The following NCALD variants were observed in gnomAD, a reference collection of about 807,000 sequenced individuals.
The protein encoded by NCALD is neurocalcin-delta.
In NCALD, 10 loss-of-function variants were observed where a neutral mutation model predicts 18.6. The ratio of observed to expected loss-of-function variants is 0.54; its 90% CI spans 0.33 to 0.91. NCALD has a LOEUF of 0.91. NCALD is among the 40% of genes least tolerant of loss of function. The pLI is 0.03. For missense variants in NCALD, 184 were observed against 247.6 expected, an observed-to-expected ratio of 0.74 and a Z score of 1.72; for synonymous variants, 88 against 87.4, an observed-to-expected ratio of 1.01 and a Z score of -0.04.
At chr8:102,039,256 T>A (rs1483483728) in intron 1 of NCALD, among the ~76,000 whole-genome samples, 1 of 152,144 alleles carries the variant, frequency 6.6e-6, no homozygotes, top group Non-Finnish European at 1.5e-5. Context: ...TAAATGCATA[T>A]TGTTTAAGCC....
chr8:102,095,266 G>A (rs1212393644), intron 1 of NCALD, among the ~76,000 whole-genome samples: 2 of 152,186 alleles, frequency 1.3e-5, no homozygotes, highest in African/African-American at 4.8e-5. Flanking sequence ...CAGATGGAGT[G>A]AGGGAGGCAG....
At chr8:102,030,341 G>A (rs192874534) in intron 1 of NCALD, among the ~76,000 whole-genome samples, 188 of 152,204 alleles carry the variant, frequency 1.2e-3, no homozygotes, top group Non-Finnish European at 6.9e-4. Flanking sequence ...TAACATCCAG[G>A]AAAAAACAAA....
chr8:101,974,508 C>T (rs1234915440), intron 2 of NCALD, among the ~76,000 whole-genome samples: 1 of 152,134 alleles, frequency 6.6e-6, no homozygotes, highest in Non-Finnish European at 1.5e-5. Context: ...ACAGAAAGGA[C>T]AGGCACTTGC....
intron 4 of NCALD, among the ~76,000 whole-genome samples, chr8:101,824,095 A>G (rs1813832673): frequency 6.6e-6 from 1 of 152,268 alleles, no homozygotes; most frequent in African/African-American, 2.4e-5. Context: ...ATCTCAAAGA[A>G]TAAGGGAAGA....
intron 1 of NCALD, among the ~76,000 whole-genome samples, chr8:101,772,918 T>G (rs1811643428): frequency 6.6e-6 from 1 of 152,212 alleles, no homozygotes; most frequent in South Asian, 2.1e-4. Flanking sequence ...GGTGATCCAG[T>G]GACCCCAGAA....
At chr8:101,803,931 G>A (rs1011799295) in intron 4 of NCALD, among the ~76,000 whole-genome samples, 3 of 152,188 alleles carry the variant, frequency 2.0e-5, no homozygotes, top group African/African-American at 7.2e-5. Context: ...AGCACTGCAT[G>A]CTACAGCAAA....
rs115587860 is a variant in NCALD at position 101,702,028 on chromosome 8, A to G, written c.379-9132T>C. ...GTCATATTTTTGTAGTATTCTTCCA[A>G]GGTGCTTTAAGCATTTTCACAGGCA... is the stretch of plus-strand genomic sequence containing the variant. On this transcript the variant is annotated intron_variant, in intron 2 of 3. Coordinates refer to ENST00000220931, the MANE Select transcript of NCALD (RefSeq NM_032041.3). Among the ~76,000 whole-genome samples, 996 of 152,294 alleles carry G rather than the reference A, an allele frequency of 6.5e-3. 12 individuals are homozygous for G. The highest frequency in any genetic ancestry group is 0.022 in the African/African-American group (898 of 41,546).
intron 1 of NCALD, among the ~76,000 whole-genome samples, chr8:102,115,445 C>G (rs1326487855): frequency 6.6e-6 from 1 of 152,190 alleles, no homozygotes. Context: ...GATTTTGGCT[C>G]TTCCCCAGTT....
At chr8:101,847,980 G>A (rs536458825) in intron 4 of NCALD, among the ~76,000 whole-genome samples, 2 of 152,214 alleles carry the variant, frequency 1.3e-5, no homozygotes, top group South Asian at 2.1e-4. Context: ...GTAGGGATGG[G>A]GAATGGTACA....
chr8:101,824,032 G>A (rs1232199862), intron 4 of NCALD, among the ~76,000 whole-genome samples: 1 of 152,152 alleles, frequency 6.6e-6, no homozygotes, highest in East Asian at 1.9e-4. Flanking sequence ...TGAACAAAAT[G>A]TCATTTACTT....
At chr8:101,788,079 A>G (rs1370551823) in intron 1 of NCALD, among the ~76,000 whole-genome samples, 1 of 152,246 alleles carries the variant, frequency 6.6e-6, no homozygotes, top group Non-Finnish European at 1.5e-5. Flanking sequence ...ACAATTTGGT[A>G]GCTATGTGAA....
chr8:101,695,371 T>G (rs1232330632), intron 2 of NCALD, among the ~76,000 whole-genome samples: 1 of 152,296 alleles, frequency 6.6e-6, no homozygotes, highest in East Asian at 1.9e-4. Context: ...CCTCAGTAAG[T>G]TTGTCTCACG....
At chr8:102,008,917 TACACACACACACACACACACACACAC>T (rs761346653) in intron 2 of NCALD, among the ~76,000 whole-genome samples, 5 of 38,542 alleles carry the variant, frequency 1.3e-4, no homozygotes, top group East Asian at 6.4e-4. Flanking sequence ...CCCGCCCCCC[TACACACACACACACACACACACACAC>T]ACACACACAC....
At chr8:101,690,178 G>T in intron 3 of NCALD, 1 of 727,466 alleles carries the variant, frequency 1.4e-6, no homozygotes, top group Non-Finnish European at 1.6e-6. Flanking sequence ...TTCCAGGAAG[G>T]CCTGTCACTT....
intron 4 of NCALD, among the ~76,000 whole-genome samples, chr8:101,867,960 C>T (rs943504381): frequency 6.6e-6 from 1 of 152,176 alleles, no homozygotes; most frequent in Admixed American, 6.5e-5. Flanking sequence ...CCCCGCCCCC[C>T]GCCAACCTTT....
At chr8:101,803,198 T>C (rs1165647103) in intron 4 of NCALD, among the ~76,000 whole-genome samples, 15 of 152,168 alleles carry the variant, frequency 9.9e-5, no homozygotes, top group Admixed American at 9.8e-4. Flanking sequence ...TTCCAAAAAA[T>C]TGTAGGGCTC....
At chr8:101,919,848 G>C (rs1818101283) in intron 2 of NCALD, among the ~76,000 whole-genome samples, 1 of 152,176 alleles carries the variant, frequency 6.6e-6, no homozygotes, top group Non-Finnish European at 1.5e-5. Context: ...TCTCACACCA[G>C]TTAGAATGGC....
intron 1 of NCALD, among the ~76,000 whole-genome samples, chr8:101,776,814 T>C (rs544977647): frequency 5.9e-5 from 9 of 152,296 alleles, no homozygotes; most frequent in East Asian, 3.9e-4. Flanking sequence ...TATAGAACCA[T>C]GAAAGAGCAT....
At chr8:102,073,589 T>G (rs1197119936) in intron 1 of NCALD, among the ~76,000 whole-genome samples, 2 of 152,144 alleles carry the variant, frequency 1.3e-5, no homozygotes, top group South Asian at 2.1e-4. Flanking sequence ...AAAATATATA[T>G]TATTTTTAAA....
Sources: allele counts gnomAD v4.1 joint callset (sites outside exome capture counted in the v4.1 genomes callset), GRCh38; gene constraint gnomAD v4.1.1; transcripts MANE v1.5; gene names NCBI Gene and HGNC (gene_info 2026-07-23, HGNC 2026-07-21).